The following PKIB variants were observed in gnomAD, a reference collection of about 807,000 sequenced individuals.
PKIB encodes the protein cAMP-dependent protein kinase inhibitor beta.
PKIB carries 2 observed loss-of-function variants against 4.5 expected under a neutral mutation model. That is an observed-to-expected ratio of 0.44 (90% CI 0.18 to 1.39). PKIB has a LOEUF of 1.39. PKIB is among the 40% of genes most tolerant of loss of function. The pLI is 0.27. For synonymous variants in PKIB, 38 were observed against 36.0 expected (o/e 1.06, Z -0.20); for missense variants, 94 against 92.6 (o/e 1.02, Z -0.06).
intron 1 of PKIB, among the ~76,000 whole-genome samples, chr6:122,631,267 A>C (rs1011026844): frequency 6.6e-6 from 1 of 152,200 alleles, no homozygotes; most frequent in African/African-American, 2.4e-5. Flanking sequence ...CAGTCGAGTT[A>C]TTTTAATTAA....
intron 3 of PKIB, among the ~76,000 whole-genome samples, chr6:122,709,399 GAATATGTGCA>G (rs1451648727): frequency 6.6e-6 from 1 of 151,934 alleles, no homozygotes; most frequent in African/African-American, 2.4e-5. Flanking sequence ...GTTTTATTTT[GAATATGTGCA>G]AATCTAAATT....
At chr6:122,641,631 T>C in intron 2 of PKIB, among the ~76,000 whole-genome samples, 1 of 152,176 alleles carries the variant, frequency 6.6e-6, no homozygotes, top group East Asian at 1.9e-4. Flanking sequence ...TTGTTTCTGT[T>C]TCCAGAACCC....
chr6:122,519,791 C>T (rs1776879749), intron 2 of PKIB, among the ~76,000 whole-genome samples: 1 of 152,056 alleles, frequency 6.6e-6, no homozygotes, highest in Non-Finnish European at 1.5e-5. Flanking sequence ...AAATGTTGTC[C>T]TCAAAAACAC....
At chr6:122,488,854 ATCTG>A (rs1211843786) in intron 2 of PKIB, among the ~76,000 whole-genome samples, 1 of 152,116 alleles carries the variant, frequency 6.6e-6, no homozygotes, top group Non-Finnish European at 1.5e-5. Flanking sequence ...TTCTGTATCT[ATCTG>A]TCTATCTCTG....
chr6:122,530,693 T>C (rs910344038), intron 2 of PKIB, among the ~76,000 whole-genome samples: 1 of 152,194 alleles, frequency 6.6e-6, no homozygotes, highest in African/African-American at 2.4e-5. Flanking sequence ...TACTAGCCTC[T>C]GTTTTCAGCA....
At chr6:122,666,108 G>A (rs920102605) in intron 2 of PKIB, among the ~76,000 whole-genome samples, 2 of 152,146 alleles carry the variant, frequency 1.3e-5, no homozygotes, top group African/African-American at 4.8e-5. Flanking sequence ...TGTCTCCAAA[G>A]CTCGTGTGCA....
intron 2 of PKIB, among the ~76,000 whole-genome samples, chr6:122,549,841 T>C (rs1026466317): frequency 1.4e-5 from 2 of 148,026 alleles, no homozygotes; most frequent in African/African-American, 2.5e-5. Flanking sequence ...AATATATATG[T>C]ATATATACAC....
intron 2 of PKIB, among the ~76,000 whole-genome samples, chr6:122,555,981 G>T (rs1772825705): frequency 6.6e-6 from 1 of 152,138 alleles, no homozygotes; most frequent in Non-Finnish European, 1.5e-5. Context: ...TGCTTTTAAA[G>T]AAGAAGGATG....
At chr6:122,605,881 A>T (rs1473013873), upstream of PKIB, among the ~76,000 whole-genome samples, 1 of 152,190 alleles carries the variant, frequency 6.6e-6, no homozygotes, top group Non-Finnish European at 1.5e-5. Flanking sequence ...GATAAGGTTC[A>T]TATTATTGTA....
intron 2 of PKIB, among the ~76,000 whole-genome samples, chr6:122,652,966 A>G (rs1477357536): frequency 1.3e-5 from 2 of 152,032 alleles, no homozygotes; most frequent in Admixed American, 6.6e-5. Context: ...AACCTCTTTG[A>G]ATTGACACAT....
At chr6:122,558,267 A>G (rs1387793478) in intron 2 of PKIB, among the ~76,000 whole-genome samples, 1 of 152,182 alleles carries the variant, frequency 6.6e-6, no homozygotes, top group Non-Finnish European at 1.5e-5. Context: ...GTAAGTGGTA[A>G]CAAAGACAAA....
chr6:122,716,274 C>T (rs887465866), intron 3 of PKIB, among the ~76,000 whole-genome samples: 2 of 152,012 alleles, frequency 1.3e-5, no homozygotes, highest in African/African-American at 2.4e-5. Context: ...ATTGCTATGC[C>T]CGTTATATAG....
chr6:122,511,846 GTAGT>G (rs1330860076), intron 2 of PKIB, among the ~76,000 whole-genome samples: 54 of 152,336 alleles, frequency 3.5e-4, no homozygotes, highest in Admixed American at 3.5e-3. Flanking sequence ...TTATCAGAGA[GTAGT>G]TAGTGGGAGC....
At chr6:122,710,364 CCACAAGAACTTCAAAATCACATTGTA>C (rs1387438397) in intron 3 of PKIB, among the ~76,000 whole-genome samples, 33 of 152,242 alleles carry the variant, frequency 2.2e-4, no homozygotes, top group Middle Eastern at 3.4e-3. Flanking sequence ...TACAAGCAGA[CCACAAGAACTTCAAAATCACATTGTA>C]CACAAGAACT....
chr6:122,664,885 G>A (rs1777156179), intron 2 of PKIB, among the ~76,000 whole-genome samples: 1 of 151,712 alleles, frequency 6.6e-6, no homozygotes, highest in Non-Finnish European at 1.5e-5. Flanking sequence ...GCCCCTTTAG[G>A]GAAAAATAAA....
chr6:122,661,651 A>C (rs55927589), intron 2 of PKIB, among the ~76,000 whole-genome samples: 3,921 of 152,246 alleles, frequency 0.026, 96 homozygotes, highest in Non-Finnish European at 0.037. Flanking sequence ...TAACATTGCT[A>C]TGAATATTCC....
At chr6:122,657,930 G>A (rs1217516100) in intron 2 of PKIB, among the ~76,000 whole-genome samples, 5 of 152,116 alleles carry the variant, frequency 3.3e-5, no homozygotes, top group African/African-American at 9.7e-5. Flanking sequence ...TGGTGTGTAC[G>A]CTAGCCTTAA....
rs567312021 is a variant in PKIB, at chr6:122,518,693, C to T, written c.-248+40754C>T. On this transcript the variant is annotated intron_variant, in intron 2 of 6. Transcript: ENST00000392491. ...GGTGTCAGGCATTCAATAAATGTAC[C>T]TATTGTTATAACCATCATGACCCCT... is the stretch of plus-strand genomic sequence containing the variant. Among the ~76,000 whole-genome samples the T allele has an allele frequency of 2.0e-5, 3 of 151,996 alleles. No individual in the cohort carries two copies. The East Asian group carries it at 5.8e-4, about 29-fold the overall frequency.
chr6:122,700,316 G>T (rs1446697346), intron 3 of PKIB, among the ~76,000 whole-genome samples: 4 of 147,654 alleles, frequency 2.7e-5, no homozygotes, highest in African/African-American at 7.5e-5. Flanking sequence ...TGGGGTGGTG[G>T]TGTGGGATCC....
Sources: allele counts gnomAD v4.1 joint callset (sites outside exome capture counted in the v4.1 genomes callset), GRCh38; gene constraint gnomAD v4.1.1; transcripts MANE v1.5; gene names NCBI Gene and HGNC (gene_info 2026-07-23, HGNC 2026-07-21).